AP3B1: variants seen among roughly 807,000 people sequenced by gnomAD.
AP3B1 encodes the protein AP-3 complex subunit beta-1.
Under a neutral mutation model 132.5 loss-of-function variants are expected in AP3B1, and 61 were observed. The observed-to-expected ratio is 0.46, with a 90% CI of 0.37 to 0.57. AP3B1 has a LOEUF of 0.57. Ranked by LOEUF, AP3B1 falls within the 20% of genes least tolerant of loss-of-function variation. AP3B1 has a pLI of 0.00. For synonymous variants in AP3B1, 388 were observed against 438.3 expected (o/e 0.89, Z 1.43); for missense variants, 1,120 against 1,289.4 (o/e 0.87, Z 2.01).
chr5:78,168,484 A>G (rs908780673), intron 11 of AP3B1, among the ~76,000 whole-genome samples: 26 of 152,190 alleles, frequency 1.7e-4, no homozygotes, highest in African/African-American at 6.0e-4. Flanking sequence ...TCAGCCTCCC[A>G]AAGTCCTAGG....
intron 2 of AP3B1, among the ~76,000 whole-genome samples, chr5:78,254,488 C>A (rs1293935251): frequency 6.6e-6 from 1 of 152,152 alleles, no homozygotes; most frequent in Non-Finnish European, 1.5e-5. Context: ...AAATAACATA[C>A]AACGGAGCTC....
intron 3 of AP3B1, among the ~76,000 whole-genome samples, chr5:78,231,327 C>A (rs1746643338): frequency 6.6e-6 from 1 of 151,964 alleles, no homozygotes; most frequent in Non-Finnish European, 1.5e-5. Context: ...GCACGCACCA[C>A]CACGCCCAGC....
chr5:78,102,793 A>G (rs1168745151), intron 20 of AP3B1, among the ~76,000 whole-genome samples: 1 of 152,134 alleles, frequency 6.6e-6, no homozygotes, highest in African/African-American at 2.4e-5. Context: ...AAACCTATCA[A>G]ATCAAGATAA....
intron 2 of AP3B1, among the ~76,000 whole-genome samples, chr5:78,257,441 T>C (rs1747892526): frequency 6.6e-6 from 1 of 152,068 alleles, no homozygotes; most frequent in Admixed American, 6.6e-5. Flanking sequence ...CAAAATTAAA[T>C]ACCCAGGAAT....
chr5:78,021,330 A>G (rs1348275311), intron 24 of AP3B1, among the ~76,000 whole-genome samples: 1 of 152,160 alleles, frequency 6.6e-6, no homozygotes, highest in Admixed American at 6.6e-5. Flanking sequence ...CTTATTTGCT[A>G]GCAGTGCTAT....
At chr5:78,065,094 G>T (rs1054204387) in intron 22 of AP3B1, among the ~76,000 whole-genome samples, 8 of 152,254 alleles carry the variant, frequency 5.3e-5, no homozygotes, top group Admixed American at 4.6e-4. Context: ...GAGCCACATG[G>T]GGCAAGAGGA....
intron 21 of AP3B1, among the ~76,000 whole-genome samples, chr5:78,097,008 A>T (rs1281252554): frequency 8.8e-6 from 1 of 113,674 alleles, no homozygotes; most frequent in Non-Finnish European, 1.8e-5. Flanking sequence ...TCCGGGAGGG[A>T]GGTGGGGGGG....
intron 21 of AP3B1, among the ~76,000 whole-genome samples, chr5:78,098,883 T>C (rs1751013080): frequency 6.6e-6 from 1 of 152,048 alleles, no homozygotes; most frequent in Non-Finnish European, 1.5e-5. Flanking sequence ...TAATTTCAGA[T>C]AGTGAAAAAT....
intron 7 of AP3B1, among the ~76,000 whole-genome samples, chr5:78,205,015 C>CA (rs1745447251): frequency 6.6e-6 from 1 of 151,986 alleles, no homozygotes; most frequent in South Asian, 2.1e-4. Context: ...TTTCCATTTG[C>CA]AAAATTCTTA....
chr5:78,141,159 A>C lies in AP3B1; in HGVS notation c.1634T>G (p.Leu545Ter). The C allele has an allele frequency of 6.2e-7, 1 of 1,613,654 alleles. No homozygotes were observed. The highest frequency in any genetic ancestry group is 1.1e-5 in the South Asian group (1 of 91,074). ...QILNLGAKLY[L>*]TNSKQTKLLT... ...GCCTCTCACCTGTTTGGAGTTGGTT[A>C]AATACAATTTTGCTCCCAGATTTAA... The change falls in exon 15 of 27, where the codon TTA becomes TGA. Residue 545 changes from leucine to a stop codon, truncating the protein, a stop_gained. Transcript: ENST00000255194. LOFTEE classifies it high-confidence loss of function.
intron 3 of AP3B1, among the ~76,000 whole-genome samples, chr5:78,231,332 C>G (rs1746643765): frequency 6.6e-6 from 1 of 151,916 alleles, no homozygotes; most frequent in African/African-American, 2.4e-5. Context: ...CACCACCACG[C>G]CCAGCTAACT....
At chr5:78,209,768 T>C (rs950134244) in intron 7 of AP3B1, among the ~76,000 whole-genome samples, 2 of 152,174 alleles carry the variant, frequency 1.3e-5, no homozygotes, top group East Asian at 1.9e-4. Flanking sequence ...AATTCAGACA[T>C]TGAGAAGGGT....
At chr5:78,261,796 A>G (rs1748106820) in intron 2 of AP3B1, among the ~76,000 whole-genome samples, 1 of 145,932 alleles carries the variant, frequency 6.9e-6, no homozygotes, top group Non-Finnish European at 1.5e-5. Flanking sequence ...CTGCCACCCA[A>G]GCTGGAGTGC....
chr5:78,120,911 C>A (rs946771131), intron 17 of AP3B1, among the ~76,000 whole-genome samples: 21 of 152,156 alleles, frequency 1.4e-4, no homozygotes, highest in Non-Finnish European at 3.1e-4. Flanking sequence ...CACCACACCA[C>A]ACCTATTCCA....
chr5:78,170,547 G>C (rs59245475), intron 11 of AP3B1, among the ~76,000 whole-genome samples: 1 of 152,276 alleles, frequency 6.6e-6, no homozygotes, highest in East Asian at 1.9e-4. Flanking sequence ...TGACTGCACA[G>C]ATGTCTTCTT....
intron 3 of AP3B1, among the ~76,000 whole-genome samples, chr5:78,231,116 T>C (rs1204993159): frequency 6.6e-6 from 1 of 151,824 alleles, no homozygotes; most frequent in Non-Finnish European, 1.5e-5. Context: ...CAAGACACCA[T>C]CTGAAAAAAA....
chr5:78,200,980 C>A (rs956096994), intron 7 of AP3B1, among the ~76,000 whole-genome samples: 1 of 152,044 alleles, frequency 6.6e-6, no homozygotes, highest in Admixed American at 6.6e-5. Flanking sequence ...TACAATGTGA[C>A]TAGTGTCCTA....
chr5:78,223,810 C>T (rs4380631), intron 6 of AP3B1, among the ~76,000 whole-genome samples: 55,113 of 151,976 alleles, frequency 0.36, 10,236 homozygotes, highest in Middle Eastern at 0.44. Flanking sequence ...ATGTGGCAGA[C>T]GCTCAGACAT....
chr5:78,116,170 T>C lies in AP3B1; in HGVS notation c.2033A>G (p.Glu678Gly), dbSNP rs1751817492. 1 of 1,613,902 alleles carries C rather than the reference T, an allele frequency of 6.2e-7. No homozygotes were observed. The highest frequency in any genetic ancestry group is 8.5e-7 in the Non-Finnish European group (1 of 1,179,868). Reference protein sequence around the residue: ...QENSAKKFYSESEEEEDSSDS... With the variant: ...QENSAKKFYSGSEEEEDSSDS... ...AGAAGAGTCCTCCTCTTCCTCAGAT[T>C]CAGAATAAAACTTCTTAGCAGAATT... is the stretch of plus-strand genomic sequence containing the variant. The change falls in exon 18 of 27, where the codon GAA (glutamate) becomes GGA (glycine). Residue 678 changes from glutamate to glycine, a missense_variant. By Grantham distance (98) the Glu-to-Gly change is moderately conservative (BLOSUM62 -2). Coordinates refer to ENST00000255194, the MANE Select transcript of AP3B1 (RefSeq NM_003664.5).
Sources: allele counts gnomAD v4.1 joint callset (sites outside exome capture counted in the v4.1 genomes callset), GRCh38; gene constraint gnomAD v4.1.1; transcripts MANE v1.5; gene names NCBI Gene and HGNC (gene_info 2026-07-23, HGNC 2026-07-21).